ERCC6L2: variants seen among roughly 807,000 people sequenced by gnomAD.
ERCC6L2 encodes DNA excision repair protein ERCC-6-like 2.
Under a neutral mutation model 132.0 loss-of-function variants are expected in ERCC6L2, and 77 were observed. That is an observed-to-expected ratio of 0.58 (90% CI 0.49 to 0.71). ERCC6L2 has a LOEUF of 0.71. ERCC6L2 is among the 30% of genes least tolerant of loss of function. The pLI is 0.00. For missense variants in ERCC6L2, 1,542 were observed against 1,837.6 expected, an observed-to-expected ratio of 0.84 and a Z score of 2.94; for synonymous variants, 583 against 632.4, an observed-to-expected ratio of 0.92 and a Z score of 1.17.
At chr9:95,900,949 C>T (rs1828743223) in intron 3 of ERCC6L2, among the ~76,000 whole-genome samples, 1 of 151,978 alleles carries the variant, frequency 6.6e-6, no homozygotes. Context: ...TGGCTTGTGC[C>T]TGTAGTCCCA....
intron 11 of ERCC6L2, among the ~76,000 whole-genome samples, chr9:95,937,387 A>ATCTT (rs1351868564): frequency 6.6e-6 from 1 of 152,132 alleles, no homozygotes; most frequent in Non-Finnish European, 1.5e-5. Context: ...GATATTAAAC[A>ATCTT]TCTTTTCATG....
intron 12 of ERCC6L2, among the ~76,000 whole-genome samples, chr9:95,950,739 A>G (rs1831292356): frequency 6.6e-6 from 1 of 152,224 alleles, no homozygotes; most frequent in East Asian, 1.9e-4. Flanking sequence ...CTGTTAGAAG[A>G]AAGACATTAT....
chr9:95,891,859 A>G (rs967807411), intron 2 of ERCC6L2, among the ~76,000 whole-genome samples: 1 of 152,038 alleles, frequency 6.6e-6, no homozygotes, highest in Non-Finnish European at 1.5e-5. Flanking sequence ...AGAAAGAAAT[A>G]TATATTTAAG....
intron 17 of ERCC6L2, among the ~76,000 whole-genome samples, chr9:95,990,550 T>C (rs148647155): frequency 3.1e-4 from 47 of 152,354 alleles, no homozygotes; most frequent in African/African-American, 1.1e-3. Flanking sequence ...GATAGCTCCC[T>C]TGACCCCCTT....
chr9:95,919,956 G>C (rs1829782283), intron 6 of ERCC6L2, among the ~76,000 whole-genome samples: 1 of 152,224 alleles, frequency 6.6e-6, no homozygotes, highest in South Asian at 2.1e-4. Flanking sequence ...CGCAGAAAAA[G>C]CAGTGCCAGA....
chr9:95,993,100 C>T (rs73656591), intron 17 of ERCC6L2, among the ~76,000 whole-genome samples: 4,817 of 152,158 alleles, frequency 0.032, 272 homozygotes, highest in African/African-American at 0.11. Flanking sequence ...ATTTTAAATA[C>T]GAAAGAGACT....
intron 4 of ERCC6L2, among the ~76,000 whole-genome samples, chr9:95,914,760 G>A (rs931617712): frequency 1.3e-5 from 2 of 152,164 alleles, no homozygotes; most frequent in African/African-American, 4.8e-5. Flanking sequence ...GTCATTGGAA[G>A]AGCAAAAGTT....
At chr9:95,915,217 A>G (rs73534656) in intron 4 of ERCC6L2, among the ~76,000 whole-genome samples, 1 of 152,144 alleles carries the variant, frequency 6.6e-6, no homozygotes, top group African/African-American at 2.4e-5. Flanking sequence ...ATGGGTGCTC[A>G]TTGCTACTGG....
intron 17 of ERCC6L2, among the ~76,000 whole-genome samples, chr9:95,993,830 C>T (rs1009597959): frequency 1.3e-5 from 2 of 152,176 alleles, no homozygotes; most frequent in Admixed American, 6.5e-5. Flanking sequence ...ACTTTCATCT[C>T]CCTCTCTCCC....
intron 2 of ERCC6L2, among the ~76,000 whole-genome samples, chr9:95,894,560 T>C (rs551361924): frequency 1.8e-4 from 28 of 151,466 alleles, no homozygotes; most frequent in African/African-American, 5.8e-4. Flanking sequence ...GTATTGAGAC[T>C]TCTGTGGCCT....
At chr9:95,962,477 A>G (rs1831953009) in intron 13 of ERCC6L2, among the ~76,000 whole-genome samples, 1 of 152,178 alleles carries the variant, frequency 6.6e-6, no homozygotes, top group African/African-American at 2.4e-5. Context: ...TCTGACAGTA[A>G]CAGAATAAAT....
chr9:95,882,763 C>G (rs146995453), intron 2 of ERCC6L2, among the ~76,000 whole-genome samples: 1 of 152,130 alleles, frequency 6.6e-6, no homozygotes, highest in Non-Finnish European at 1.5e-5. Flanking sequence ...TTACCATTAA[C>G]CATACTCTAT....
At chr9:95,962,136 CAT>C (rs552959773) in intron 13 of ERCC6L2, among the ~76,000 whole-genome samples, 30 of 152,232 alleles carry the variant, frequency 2.0e-4, no homozygotes, top group South Asian at 1.7e-3. Flanking sequence ...GTGGTTAACA[CAT>C]GTGAAAAAAT....
chr9:96,008,720 G>A (rs996027751), intron 18 of ERCC6L2, among the ~76,000 whole-genome samples: 1 of 152,164 alleles, frequency 6.6e-6, no homozygotes, highest in Non-Finnish European at 1.5e-5. Flanking sequence ...CCAAGGTTAG[G>A]GTCGGTACCA....
intron 3 of ERCC6L2, among the ~76,000 whole-genome samples, chr9:95,899,344 C>T (rs960657228): frequency 6.6e-6 from 1 of 151,602 alleles, no homozygotes; most frequent in African/African-American, 2.4e-5. Context: ...CCAGGTACTT[C>T]GGAGGCTGAA....
intron 17 of ERCC6L2, among the ~76,000 whole-genome samples, chr9:95,992,521 A>G (rs1833338043): frequency 6.6e-6 from 1 of 152,238 alleles, no homozygotes; most frequent in African/African-American, 2.4e-5. Flanking sequence ...GAGAGTAAAG[A>G]TGATGTGATT....
In ERCC6L2 at chr9:95,916,301, GAC is replaced by G; in HGVS notation, c.1030_1031del (p.Thr344GlyfsTer38). The G allele has an allele frequency of 6.2e-7, 1 of 1,614,128 alleles. No individual in the cohort carries two copies. Among genetic ancestry groups the G allele is most frequent in the Non-Finnish European group, 8.5e-7 (1 of 1,180,012 alleles). On this transcript the variant is annotated frameshift_variant, in exon 6 of 19. Transcript: ENST00000653738. LOFTEE classifies it high-confidence loss of function. ...TCTGACCCAGTAGAACATGGTCAGA[GAC>G]ACACGGCAACAAAGAGAGAACTAGC...
At chr9:95,999,683 T>A (rs1833591783) in intron 17 of ERCC6L2, among the ~76,000 whole-genome samples, 1 of 152,110 alleles carries the variant, frequency 6.6e-6, no homozygotes, top group African/African-American at 2.4e-5. Context: ...CTTCTCTTTC[T>A]GTTTACTCCC....
intron 17 of ERCC6L2, 63 bp downstream of exon 17, chr9:95,978,278 A>G (rs1832755174): frequency 1.8e-6 from 2 of 1,138,998 alleles, no homozygotes; most frequent in Non-Finnish European, 1.2e-6. Flanking sequence ...GTTACTCAAT[A>G]GGATCTTCTC....
Sources: gnomAD v4.1 joint callset for allele counts (sites outside exome capture counted in the v4.1 genomes callset) on GRCh38, gnomAD v4.1.1 for gene constraint, MANE v1.5 for transcripts, NCBI Gene and HGNC (gene_info 2026-07-23, HGNC 2026-07-21) for gene names.